IFNGR2: variants seen among roughly 807,000 people sequenced by gnomAD.
IFNGR2 encodes the protein interferon gamma receptor 2.
In IFNGR2, 15 loss-of-function variants were observed where a neutral mutation model predicts 41.1. The observed-to-expected ratio is 0.37, with a 90% CI of 0.24 to 0.56. The LOEUF (loss-of-function observed/expected upper bound fraction) is 0.56, where lower values mean the gene tolerates loss of function less well. Among genes scored for constraint, IFNGR2 ranks in the 20% least tolerant of loss-of-function variants. The pLI, the probability that IFNGR2 is intolerant of heterozygous loss-of-function variation, is 0.81. For missense variants in IFNGR2, 362 were observed against 415.7 expected (o/e 0.87, Z 1.12); for synonymous variants, 161 against 171.6 (o/e 0.94, Z 0.48).
chr21:33,424,931 T>TG (rs2083823510), intron 3 of IFNGR2, among the ~76,000 whole-genome samples: 1 of 151,874 alleles, frequency 6.6e-6, no homozygotes, highest in Non-Finnish European at 1.5e-5. Context: ...TTTTGTGAGA[T>TG]GGAGTTTCAC....
intron 3 of IFNGR2, 107 bp from the exon 4 acceptor site, chr21:33,426,777 C>A: frequency 1.9e-6 from 1 of 538,524 alleles, no homozygotes; most frequent in Non-Finnish European, 3.0e-6. Flanking sequence ...TCTACACCCA[C>A]TATATATATA....
chr21:33,426,792 T>C lies in IFNGR2; in HGVS notation c.413-92T>C, dbSNP rs121913203. The C allele has an allele frequency of 1.8e-4, 120 of 664,210 alleles. 2 individuals carry two copies. Among genetic ancestry groups the C allele is most frequent in the Middle Eastern group, 8.4e-4 (2 of 2,368 alleles). 41.1% of individuals were successfully genotyped at this position (664,210 alleles called of 1,614,324 possible). A position where few individuals can be genotyped will look rare whatever the true frequency, so the allele number is the denominator to read the frequency against. ...TCTACACCCACTATATATATATATA[T>C]ACATATATATATAGCATTATATAAT... On this transcript the variant is annotated intron_variant, in intron 3 of 6. Transcript: ENST00000290219.
chr21:33,413,978 G>A (rs1568952451), intron 1 of IFNGR2, among the ~76,000 whole-genome samples: 1 of 151,660 alleles, frequency 6.6e-6, no homozygotes, highest in Non-Finnish European at 1.5e-5. Context: ...GATTACAGGC[G>A]CTCACCACCG....
rs1318595038 is a variant in IFNGR2 at position 33,421,542 on chromosome 21, C to T, written c.269C>T (p.Thr90Ile). The change falls in exon 3 of 7, where the codon ACA becomes ATA. Residue 90 changes from threonine to isoleucine, a missense_variant. Coordinates refer to ENST00000290219, the MANE Select transcript of IFNGR2 (RefSeq NM_005534.4). ...MSIGVNCTQI[T>I]ATECDFTAAS... ...ATAGGGGTGAATTGTACACAGATCA[C>T]AGCAACAGAGTGTGACTTCACTGCC... 7 of 1,613,970 alleles carry T rather than the reference C, an allele frequency of 4.3e-6. No individual in the cohort carries two copies. The highest frequency in any genetic ancestry group is 5.9e-6 in the Non-Finnish European group (7 of 1,179,984).
rs773394548 is a variant in IFNGR2, at chr21:33,426,842, TATGTGTATGTGTGTGGTTTTCTCTTTGTA to T, written c.413-39_413-11del. The T allele has an allele frequency of 3.3e-6, 5 of 1,503,146 alleles. No homozygotes were observed. The African/African-American group carries it at 6.9e-5, about 21-fold the overall frequency. The allele number at this position is 1,503,146 out of a possible 1,614,324, so 93.1% of individuals were successfully genotyped here. On this transcript the variant is annotated splice_polypyrimidine_tract_variant and intron_variant, in intron 3 of 6. Coordinates refer to ENST00000290219, the MANE Select transcript of IFNGR2 (RefSeq NM_005534.4). The stretch of plus-strand genomic sequence containing the variant: ...TACATTGTATTATATCTATAATACA[TATGTGTATGTGTGTGGTTTTCTCTTTGTA>T]ATTCTTTTTCAGTGACTGTCGGGCC...
At position 33,423,050 on chromosome 21, in the gene IFNGR2, T is replaced by C. The variant is rs1601081703; in HGVS notation, c.412+1365T>C. ...TCTTCCCTCTACTTTTTTTTTTTTT[T>C]TTTTTTTGAGACGGAGTCTCTCTCT... On this transcript the variant is annotated intron_variant, in intron 3 of 6. Transcript: ENST00000290219. 2.1e-5 allele frequency among the ~76,000 whole-genome samples: 3 copies of C among 142,180 alleles called. No individual in the cohort carries two copies. In the South Asian group the frequency reaches 7.1e-4, roughly 33 times the overall value. 93.3% of individuals were successfully genotyped at this position (142,180 alleles called of 152,430 possible). A position where few individuals can be genotyped will look rare whatever the true frequency, so the allele number is the denominator to read the frequency against.
Position 33,422,674 on chromosome 21 carries a change from C to T in IFNGR2, c.412+989C>T, listed in dbSNP as rs550920245. Among the ~76,000 whole-genome samples, 46 of 151,972 alleles carry T rather than the reference C, an allele frequency of 3.0e-4. 1 individual carries two copies. The East Asian group carries it at 7.6e-3, about 25-fold the overall frequency. On this transcript the variant is annotated intron_variant, in intron 3 of 6. Coordinates refer to ENST00000290219, the MANE Select transcript of IFNGR2 (RefSeq NM_005534.4). ...GGCAGATCACTTGAGGTCAGGAGTT[C>T]GAGACCAGCCTGGCCAACATGGTGA... is the stretch of plus-strand genomic sequence containing the variant.
chr21:33,422,008 C>G (rs2083797453), intron 3 of IFNGR2, among the ~76,000 whole-genome samples: 1 of 152,210 alleles, frequency 6.6e-6, no homozygotes. Flanking sequence ...AGAGTAGTTG[C>G]AATAGCAGCT....
intron 2 of IFNGR2, among the ~76,000 whole-genome samples, chr21:33,417,781 C>T (rs546454796): frequency 2.0e-5 from 3 of 151,986 alleles, no homozygotes; most frequent in East Asian, 1.9e-4. Context: ...GTGAGAGTCA[C>T]GGCTGATGTA....
intron 6 of IFNGR2, among the ~76,000 whole-genome samples, chr21:33,434,787 A>C (rs1354371707): frequency 6.6e-6 from 1 of 152,166 alleles, no homozygotes; most frequent in Non-Finnish European, 1.5e-5. Context: ...ATATTGTCAC[A>C]AAATCACAGC....
At chr21:33,426,319 A>T (rs1014797213) in intron 3 of IFNGR2, among the ~76,000 whole-genome samples, 3 of 152,160 alleles carry the variant, frequency 2.0e-5, no homozygotes, top group Non-Finnish European at 1.5e-5. Flanking sequence ...AGGCTGAGGC[A>T]GGAGAATCGC....
At chr21:33,432,479 C>T in intron 5 of IFNGR2, 143 bp downstream of exon 5, 2 of 920,650 alleles carry the variant, frequency 2.2e-6, no homozygotes, top group South Asian at 1.3e-5. Context: ...GAATAATGAG[C>T]TTGTGCTGAG....
chr21:33,428,086 C>T (rs2083855245), intron 4 of IFNGR2, among the ~76,000 whole-genome samples: 1 of 152,030 alleles, frequency 6.6e-6, no homozygotes, highest in Admixed American at 6.6e-5. Context: ...CGTTAAGTGG[C>T]TTGCCTCAGG....
chr21:33,435,065 C>G (rs1280508335), intron 6 of IFNGR2, among the ~76,000 whole-genome samples: 1 of 152,208 alleles, frequency 6.6e-6, no homozygotes, highest in Non-Finnish European at 1.5e-5. Flanking sequence ...CTCTTTCAGT[C>G]AGTCAGCTAC....
At position 33,421,575 on chromosome 21, in the gene IFNGR2, C is replaced by T. The variant is rs201417227; in HGVS notation, c.302C>T (p.Pro101Leu). The T allele has an allele frequency of 3.1e-6, 5 of 1,613,876 alleles. No individual in the cohort carries two copies. The East Asian group carries it at 1.1e-4, about 36-fold the overall frequency. ...ATECDFTAAS[P>L]SAGFPMDFNV... is the part of the protein sequence containing the mutation. The stretch of plus-strand genomic sequence containing the variant: ...GAGTGTGACTTCACTGCCGCCAGTC[C>T]CTCAGCAGGCTTCCCAATGGATTTC... Residue 101 changes from proline to leucine, a missense_variant, in exon 3 of 7, where the codon CCC becomes CTC. Coordinates refer to ENST00000290219, the MANE Select transcript of IFNGR2 (RefSeq NM_005534.4).
At chr21:33,423,240 C>T (rs1382918049) in intron 3 of IFNGR2, among the ~76,000 whole-genome samples, 4 of 151,484 alleles carry the variant, frequency 2.6e-5, no homozygotes, top group Non-Finnish European at 4.4e-5. Flanking sequence ...GGGGTTTCAC[C>T]ATGTTAGCCA....
At chr21:33,419,429 T>C (rs2083775212) in intron 2 of IFNGR2, among the ~76,000 whole-genome samples, 1 of 151,658 alleles carries the variant, frequency 6.6e-6, no homozygotes, top group Non-Finnish European at 1.5e-5. Context: ...TTTAGACTTT[T>C]TTTTCTAAAT....
At chr21:33,434,070 T>C (rs537286409) in intron 6 of IFNGR2, among the ~76,000 whole-genome samples, 5 of 152,232 alleles carry the variant, frequency 3.3e-5, no homozygotes, top group African/African-American at 1.2e-4. Context: ...TGCTAATATT[T>C]GAAAGGACTT....
chr21:33,421,583 G>C lies in IFNGR2; in HGVS notation c.310G>C (p.Gly104Arg). ...CTTCACTGCCGCCAGTCCCTCAGCA[G>C]GCTTCCCAATGGATTTCAATGTCAC... is the stretch of plus-strand genomic sequence containing the variant. Reference protein sequence around the residue: ...CDFTAASPSAGFPMDFNVTLR... With the variant: ...CDFTAASPSARFPMDFNVTLR... The change falls in exon 3 of 7, where the codon GGC becomes CGC. Residue 104 changes from glycine to arginine, a missense_variant. Coordinates refer to ENST00000290219, the MANE Select transcript of IFNGR2 (RefSeq NM_005534.4). 1 of 1,614,080 alleles carries C rather than the reference G, an allele frequency of 6.2e-7. No individual in the cohort carries two copies. The highest frequency in any genetic ancestry group is 8.5e-7 in the Non-Finnish European group (1 of 1,179,964).
Sources: allele counts gnomAD v4.1 joint callset (sites outside exome capture counted in the v4.1 genomes callset), GRCh38; gene constraint gnomAD v4.1.1; transcripts MANE v1.5; gene names NCBI Gene and HGNC (gene_info 2026-07-23, HGNC 2026-07-21).